Variants in JAZF1 observed in about 807,000 individuals in gnomAD.
JAZF1 encodes JAZF zinc finger 1.
JAZF1 carries 8 observed loss-of-function variants against 26.4 expected under a neutral mutation model. The ratio of observed to expected loss-of-function variants is 0.30; its 90% CI spans 0.18 to 0.55. The LOEUF is 0.55. Among genes scored for constraint, JAZF1 ranks in the 20% least tolerant of loss-of-function variants. JAZF1 has a pLI of 0.94. For missense variants in JAZF1, 199 were observed against 322.0 expected (o/e 0.62, Z 2.92); for synonymous variants, 126 against 122.3 (o/e 1.03, Z -0.20).
intron 2 of JAZF1, among the ~76,000 whole-genome samples, chr7:27,920,405 A>C (rs1184272142): frequency 6.6e-6 from 1 of 152,146 alleles, no homozygotes; most frequent in East Asian, 1.9e-4. Flanking sequence ...GGCATGTTTT[A>C]ATTGGTTTTA....
intron 3 of JAZF1, chr7:27,842,550 T>C (rs1686733549): frequency 1.3e-5 from 2 of 152,138 alleles, no homozygotes; most frequent in South Asian, 4.2e-4. Context: ...AAATGTGGGT[T>C]TCAATAAATT....
chr7:28,125,136 G>C (rs1782674333), intron 1 of JAZF1, among the ~76,000 whole-genome samples: 1 of 141,192 alleles, frequency 7.1e-6, no homozygotes, highest in African/African-American at 2.7e-5. Context: ...TTATGGAACA[G>C]GGAAGATTGC....
chr7:27,915,551 G>T (rs980581023), intron 2 of JAZF1, among the ~76,000 whole-genome samples: 1 of 152,162 alleles, frequency 6.6e-6, no homozygotes, highest in Non-Finnish European at 1.5e-5. Context: ...TAAAAATGAA[G>T]CAAGTTTTAA....
intron 2 of JAZF1, among the ~76,000 whole-genome samples, chr7:27,972,839 T>G (rs38499): frequency 0.057 from 8,490 of 149,166 alleles, 355 homozygotes; most frequent in Non-Finnish European, 0.086. Context: ...GTGGGGGGAA[T>G]GATATATATA....
At chr7:28,051,137 A>C (rs1371006026) in intron 1 of JAZF1, among the ~76,000 whole-genome samples, 1 of 149,870 alleles carries the variant, frequency 6.7e-6, no homozygotes, top group Non-Finnish European at 1.5e-5. Flanking sequence ...ATCTCAAAAA[A>C]AAAAAAAAAA....
chr7:28,172,587 T>C (rs145345159), intron 1 of JAZF1, among the ~76,000 whole-genome samples: 39 of 152,364 alleles, frequency 2.6e-4, no homozygotes, highest in African/African-American at 9.4e-4. Flanking sequence ...ATTTTCATAC[T>C]GACTACACTT....
chr7:28,010,819 T>G (rs1782786680), intron 1 of JAZF1, among the ~76,000 whole-genome samples: 1 of 152,252 alleles, frequency 6.6e-6, no homozygotes. Flanking sequence ...GGTAAGAGGA[T>G]TCTCAATTAT....
chr7:27,857,693 C>A (rs938639169), intron 3 of JAZF1, among the ~76,000 whole-genome samples: 4 of 152,198 alleles, frequency 2.6e-5, no homozygotes. Context: ...AATTCAACAT[C>A]CATTCATGCT....
chr7:28,063,655 T>G (rs1460781331), intron 1 of JAZF1, among the ~76,000 whole-genome samples: 1 of 152,050 alleles, frequency 6.6e-6, no homozygotes, highest in Non-Finnish European at 1.5e-5. Flanking sequence ...CTAAATTAAA[T>G]CAAAATCTAA....
Position 27,904,716 on chromosome 7 carries a change from T to C in JAZF1, c.189-9300A>G, listed in dbSNP as rs1242891278. ...ATGCTATTAAAATTCTAATGAAAAA[T>C]AATAAAACTAAAAGCAGCACCAGGA... On this transcript the variant is annotated intron_variant, in intron 2 of 4. Transcript: ENST00000283928. Among the ~76,000 whole-genome samples, 4 of 146,496 alleles carry C rather than the reference T, an allele frequency of 2.7e-5. No individual in the cohort carries two copies. In the Admixed American group the frequency reaches 2.8e-4, roughly 10 times the overall value.
intron 1 of JAZF1, among the ~76,000 whole-genome samples, chr7:28,061,179 G>T (rs550471091): frequency 6.6e-6 from 1 of 152,122 alleles, no homozygotes; most frequent in African/African-American, 2.4e-5. Context: ...CTTAGAATAC[G>T]GCTGGCCATA....
chr7:27,907,449 TG>T (rs1176725067), intron 2 of JAZF1, among the ~76,000 whole-genome samples: 1 of 152,204 alleles, frequency 6.6e-6, no homozygotes, highest in Non-Finnish European at 1.5e-5. Flanking sequence ...GGTAATTTCT[TG>T]GGGGAACCTA....
chr7:28,163,735 G>A (rs552905388), intron 1 of JAZF1, among the ~76,000 whole-genome samples: 5 of 152,262 alleles, frequency 3.3e-5, no homozygotes, highest in East Asian at 1.9e-4. Flanking sequence ...CAACATATGC[G>A]TCCCAAGCCC....
rs1477397817 is a variant in JAZF1, at chr7:27,832,803, T to C, written c.729A>G (p.Gln243=). ...TGGCACAGTTATGACCAGCATGTTA[T>C]TGCTGCATCTTCCTGATAATCTCAG... The part of the protein sequence containing the change: ...VSAEIIRKMQ[Q] The change falls in exon 5 of 5, where the codon CAA becomes CAG. Residue 243 remains glutamine (Q), a synonymous_variant. Transcript: ENST00000283928. 1.9e-6 allele frequency: 3 copies of C among 1,582,714 alleles called. No individual in the cohort carries two copies. The highest frequency in any genetic ancestry group is 1.7e-6 in the Non-Finnish European group (2 of 1,162,106).
intron 2 of JAZF1, among the ~76,000 whole-genome samples, chr7:27,987,739 G>A (rs111358947): frequency 5.3e-5 from 8 of 152,372 alleles, no homozygotes; most frequent in African/African-American, 1.9e-4. Context: ...TGGCGGTTTT[G>A]TTGAATAGAA....
chr7:28,014,427 C>T lies in JAZF1; in HGVS notation c.116-22446G>A, dbSNP rs562076198. 4.6e-5 allele frequency among the ~76,000 whole-genome samples: 7 copies of T among 152,230 alleles called. No individual in the cohort carries two copies. The East Asian group carries it at 9.7e-4, about 21-fold the overall frequency. On this transcript the variant is annotated intron_variant, in intron 1 of 4. Coordinates refer to ENST00000283928, the MANE Select transcript of JAZF1 (RefSeq NM_175061.4). The stretch of plus-strand genomic sequence containing the variant: ...TCTTGAATTCCCATGTGTTGTGGGA[C>T]GGACCTGGTGGGAGGTAATTGAATC...
chr7:27,955,383 C>T (rs966563088), intron 2 of JAZF1, among the ~76,000 whole-genome samples: 11 of 152,148 alleles, frequency 7.2e-5, no homozygotes, highest in African/African-American at 1.9e-4. Context: ...CCTTTCCAAT[C>T]GAACTGCAAT....
At chr7:27,875,425 C>A (rs1191365199) in intron 3 of JAZF1, among the ~76,000 whole-genome samples, 1 of 151,970 alleles carries the variant, frequency 6.6e-6, no homozygotes, top group East Asian at 1.9e-4. Flanking sequence ...TGAAGCAAAC[C>A]ATGACATTCC....
intron 1 of JAZF1, among the ~76,000 whole-genome samples, chr7:28,076,873 A>G (rs763548216): frequency 7.2e-5 from 11 of 152,186 alleles, no homozygotes; most frequent in Non-Finnish European, 1.3e-4. Context: ...CAAAGTAAAC[A>G]TGACATCCTA....
Sources: gnomAD v4.1 joint callset for allele counts (sites outside exome capture counted in the v4.1 genomes callset) on GRCh38, gnomAD v4.1.1 for gene constraint, MANE v1.5 for transcripts, NCBI Gene and HGNC (gene_info 2026-07-23, HGNC 2026-07-21) for gene names.